The following FHAD1 variants were observed in gnomAD, a reference collection of about 807,000 sequenced individuals.
FHAD1 encodes forkhead-associated domain-containing protein 1.
Under a neutral mutation model 191.3 loss-of-function variants are expected in FHAD1, and 146 were observed. The observed-to-expected ratio is 0.76, with a 90% confidence interval of 0.67 to 0.88. The LOEUF (loss-of-function observed/expected upper bound fraction) is 0.88, where lower values mean the gene tolerates loss of function less well. Ranked by LOEUF, FHAD1 falls within the 40% of genes least tolerant of loss-of-function variation. FHAD1 has a pLI of 0.00. For missense variants in FHAD1, 1,635 were observed against 1,785.8 expected, an observed-to-expected ratio of 0.92 and a Z score of 1.52; for synonymous variants, 616 against 672.3, an observed-to-expected ratio of 0.92 and a Z score of 1.29.
rs1292040343 is a variant in FHAD1 at position 15,329,559 on chromosome 1, T to TC, written c.1906+19dup. 6.5e-7 allele frequency: 1 copy of TC among 1,548,086 alleles called. No individual in the cohort carries two copies. The highest frequency in any genetic ancestry group is 2.4e-5 in the East Asian group (1 of 40,832). ...CAACAAAGGTTACTGGGACTTTTTT[T>TC]CTCACATGGTTGCATGACTCTAAAA... On this transcript the variant is annotated intron_variant, in intron 14 of 33. Transcript: ENST00000688493. This position sits in a 1 kb window ranked among gnomAD's most constrained non-coding sequence, Gnocchi z 5.0.
At chr1:15,294,777 T>C (rs546248852) in intron 4 of FHAD1, among the ~76,000 whole-genome samples, 1 of 152,148 alleles carries the variant, frequency 6.6e-6, no homozygotes, top group African/African-American at 2.4e-5. Flanking sequence ...ACTCAAGCTG[T>C]GATACTCAAA....
chr1:15,350,351 G>A (rs752540158), intron 19 of FHAD1, among the ~76,000 whole-genome samples: 3 of 152,186 alleles, frequency 2.0e-5, no homozygotes, highest in Admixed American at 6.5e-5. Context: ...GGGCAGGACC[G>A]CTCAGGAAGT....
rs2101852090 is a variant in FHAD1 at position 15,329,664 on chromosome 1, C to T, written c.1906+123C>T. 2.5e-6 allele frequency: 2 copies of T among 800,530 alleles called. No homozygotes were observed. Among genetic ancestry groups the T allele is most frequent in the Non-Finnish European group, 3.9e-6 (2 of 517,578 alleles). The allele number at this position is 800,530 out of a possible 1,614,324, so 49.6% of individuals were successfully genotyped here. A position where few individuals can be genotyped will look rare whatever the true frequency, so the allele number is the denominator to read the frequency against. On this transcript the variant is annotated intron_variant, in intron 14 of 33. Transcript: ENST00000688493. The surrounding 1 kb of genome is among the most constrained non-coding windows in gnomAD (Gnocchi z 5.0). ...ATCTGGCCAAGTCTATTCCCTTCTC[C>T]AGAACCCCCTGCTTCTCTGCTTGAG... is the stretch of plus-strand genomic sequence containing the variant.
intron 31 of FHAD1, among the ~76,000 whole-genome samples, chr1:15,386,849 C>CTTTTT (rs59453670): frequency 2.6e-4 from 37 of 144,096 alleles, no homozygotes; most frequent in African/African-American, 4.4e-4. Context: ...TCCTTTCTTT[C>CTTTTT]TTTTTTTTTT....
rs973609998 is a variant in FHAD1 at position 15,289,448 on chromosome 1, C to A, written c.350C>A (p.Pro117Gln). ...CCAGCACCATGGCCAGGGCCACAGC[C>A]ACCTCGTGCCACACAGCAGCCAAAC... ...RGPAPWPGPQ[P>Q]PRATQQPNQA... Residue 117 changes from proline to glutamine, a missense_variant, in exon 4 of 34, where the codon CCA (proline) becomes CAA (glutamine). By Grantham distance (76) the Pro-to-Gln change is moderately conservative. Coordinates refer to ENST00000688493, the MANE Select transcript of FHAD1 (RefSeq NM_001391957.1). The surrounding 1 kb of genome is among the most constrained non-coding windows in gnomAD (Gnocchi z 4.2). 10 of 1,551,824 alleles carry A rather than the reference C, an allele frequency of 6.4e-6. No individual in the cohort carries two copies. The highest frequency in any genetic ancestry group is 8.7e-6 in the Non-Finnish European group (10 of 1,147,030).
At chr1:15,331,138 G>A (rs965532437) in intron 14 of FHAD1, among the ~76,000 whole-genome samples, 3 of 152,106 alleles carry the variant, frequency 2.0e-5, no homozygotes, top group Non-Finnish European at 4.4e-5. Context: ...CTAAAACTCA[G>A]AGCAAGGAAT....
At chr1:15,383,275 TGGATGGTGA>T (rs1340046216) in intron 31 of FHAD1, 2 of 466,328 alleles carry the variant, frequency 4.3e-6, no homozygotes, top group Non-Finnish European at 8.8e-6. Context: ...CAAGTGCTTT[TGGATGGTGA>T]GGGTGCTTGT....
chr1:15,284,018 A>G (rs1418457542), intron 3 of FHAD1, among the ~76,000 whole-genome samples: 1 of 152,202 alleles, frequency 6.6e-6, no homozygotes, highest in Non-Finnish European at 1.5e-5. Context: ...GACCTGGGGC[A>G]AGTCTCTGAA....
chr1:15,361,596 G>A (rs929977058), intron 22 of FHAD1, among the ~76,000 whole-genome samples: 2 of 152,056 alleles, frequency 1.3e-5, no homozygotes, highest in East Asian at 1.9e-4. Flanking sequence ...TTTTGTCCCC[G>A]TAGTAACAAA....
chr1:15,333,578 A>C (rs1682635019), intron 14 of FHAD1, among the ~76,000 whole-genome samples: 1 of 152,080 alleles, frequency 6.6e-6, no homozygotes, highest in African/African-American at 2.4e-5. Flanking sequence ...CTCCACCAGG[A>C]TAAGGTGATT....
Position 15,354,401 on chromosome 1 carries a change from G to A in FHAD1, c.2562+1417G>A, listed in dbSNP as rs1440295564. Among the ~76,000 whole-genome samples the A allele has an allele frequency of 2.6e-5, 4 of 152,284 alleles. No homozygotes were observed. In the South Asian group the frequency reaches 6.2e-4, roughly 24 times the overall value. ...TCTTTAAGAGGGGCCTTGAGTAACT[G>A]GCATGTGTCCAGAGAAGGCAGACGA... On this transcript the variant is annotated intron_variant, in intron 20 of 33. Coordinates refer to ENST00000688493, the MANE Select transcript of FHAD1 (RefSeq NM_001391957.1).
chr1:15,288,068 G>C (rs778307598), intron 3 of FHAD1, among the ~76,000 whole-genome samples: 74 of 152,290 alleles, frequency 4.9e-4, no homozygotes, highest in Non-Finnish European at 9.3e-4. Flanking sequence ...GGGAGACAGA[G>C]GAGGGGAAAG....
chr1:15,389,038 G>T (rs773659402), intron 32 of FHAD1, among the ~76,000 whole-genome samples: 12 of 152,208 alleles, frequency 7.9e-5, no homozygotes, highest in Non-Finnish European at 1.8e-4. Flanking sequence ...TTGTGGAGCA[G>T]TGTTCCACCT....
In FHAD1 at chr1:15,289,284, G is replaced by T. The variant is rs114417366; in HGVS notation, c.301-115G>T. ...ATTATAGCTGTGTGCCACCCTGCCC[G>T]ACCGGAAGTGACTCATAAACCAAGA... On this transcript the variant is annotated intron_variant, in intron 3 of 33. Coordinates refer to ENST00000688493, the MANE Select transcript of FHAD1 (RefSeq NM_001391957.1). This position sits in a 1 kb window ranked among gnomAD's most constrained non-coding sequence, Gnocchi z 4.2. The T allele has an allele frequency of 1.5e-5, 21 of 1,384,224 alleles. No homozygotes were observed. The African/African-American group carries it at 2.9e-4, about 19-fold the overall frequency. 85.7% of individuals were successfully genotyped at this position (1,384,224 alleles called of 1,614,324 possible). A position where few individuals can be genotyped will look rare whatever the true frequency, so the allele number is the denominator to read the frequency against.
At chr1:15,388,399 G>C (rs747976376) in intron 32 of FHAD1, 1 of 1,069,508 alleles carries the variant, frequency 9.4e-7, no homozygotes, top group African/African-American at 3.4e-5. Context: ...ACAAGCACGC[G>C]TCCAGCCCCG....
intron 22 of FHAD1, 74 bp downstream of exon 22, chr1:15,360,777 C>G: frequency 8.0e-7 from 1 of 1,247,768 alleles, no homozygotes; most frequent in Non-Finnish European, 1.1e-6. Context: ...TCCCAACAGG[C>G]TGATGGCTAA....
intron 31 of FHAD1, among the ~76,000 whole-genome samples, chr1:15,387,713 G>A (rs141796867): frequency 1.6e-3 from 239 of 151,946 alleles, no homozygotes; most frequent in African/African-American, 5.4e-3. Flanking sequence ...GCAAAAACCC[G>A]TCTCTACTAA....
At chr1:15,275,236 A>G (rs1557977972) in intron 3 of FHAD1, among the ~76,000 whole-genome samples, 1 of 152,206 alleles carries the variant, frequency 6.6e-6, no homozygotes, top group Non-Finnish European at 1.5e-5. Flanking sequence ...TGCTGGGATT[A>G]CAGGCGTGAG....
intron 28 of FHAD1, among the ~76,000 whole-genome samples, chr1:15,378,895 C>T (rs1700258232): frequency 1.3e-5 from 2 of 152,098 alleles, no homozygotes. Context: ...TGTCCGTGGC[C>T]TCCAGACTCC....
Sources: allele counts gnomAD v4.1 joint callset (sites outside exome capture counted in the v4.1 genomes callset), GRCh38; gene constraint gnomAD v4.1.1; non-coding constraint Gnocchi (gnomAD v3.1); transcripts MANE v1.5; gene names NCBI Gene and HGNC (gene_info 2026-07-23, HGNC 2026-07-21).